SFMBT2: variants seen among roughly 807,000 people sequenced by gnomAD.
SFMBT2 encodes the protein scm-like with four MBT domains protein 2.
Under a neutral mutation model 110.1 loss-of-function variants are expected in SFMBT2, and 38 were observed. The observed-to-expected ratio is 0.35, with a 90% confidence interval of 0.27 to 0.45. The LOEUF is 0.45. SFMBT2 is among the 20% of genes least tolerant of loss of function. The pLI, the probability that SFMBT2 is intolerant of heterozygous loss-of-function variation, is 1.00. For missense variants in SFMBT2, 1,011 were observed against 1,094.9 expected (o/e 0.92, Z 1.08); for synonymous variants, 425 against 425.4 (o/e 1.00, Z 0.01).
intron 1 of SFMBT2, among the ~76,000 whole-genome samples, chr10:7,389,524 T>C (rs934680105): frequency 2.6e-5 from 4 of 152,172 alleles, no homozygotes; most frequent in African/African-American, 9.6e-5. Flanking sequence ...TTTTATACAA[T>C]ACACTTTGTG....
At chr10:7,395,831 T>C (rs891019120) in intron 1 of SFMBT2, among the ~76,000 whole-genome samples, 7 of 152,216 alleles carry the variant, frequency 4.6e-5, no homozygotes, top group African/African-American at 1.7e-4. Flanking sequence ...CTCTCCTTCA[T>C]AGACGTTATG....
chr10:7,276,010 G>A lies in SFMBT2; in HGVS notation c.870+882C>T, dbSNP rs185671188. Among the ~76,000 whole-genome samples, 164 of 152,334 alleles carry A rather than the reference G, an allele frequency of 1.1e-3. 4 individuals carry two copies. Among genetic ancestry groups the A allele is most frequent in the Middle Eastern group, 0.01 (3 of 294 alleles). The stretch of plus-strand genomic sequence containing the variant: ...AGGACGCCAATGGTGTTGGGTCGCC[G>A]CCCACACTCCATGGGCCTGTTTTAT... On this transcript the variant is annotated intron_variant, in intron 7 of 20. Transcript: ENST00000397167.
chr10:7,306,752 G>C (rs1463679252), intron 4 of SFMBT2, among the ~76,000 whole-genome samples: 2 of 149,536 alleles, frequency 1.3e-5, no homozygotes, highest in Non-Finnish European at 3.0e-5. Context: ...AAAAAAAAGA[G>C]GAAGGAAAGA....
chr10:7,315,261 G>A (rs1031508950), intron 4 of SFMBT2, among the ~76,000 whole-genome samples: 3 of 152,146 alleles, frequency 2.0e-5, no homozygotes, highest in African/African-American at 7.2e-5. Flanking sequence ...GGTGTTTCTG[G>A]CTGACATTAG....
intron 8 of SFMBT2, among the ~76,000 whole-genome samples, chr10:7,245,025 A>G (rs150215023): frequency 1.3e-5 from 2 of 152,210 alleles, no homozygotes; most frequent in African/African-American, 4.8e-5. Context: ...TCCACTGGAC[A>G]GTCCTGAAAA....
chr10:7,225,365 C>T (rs1000480917), intron 10 of SFMBT2, among the ~76,000 whole-genome samples: 3 of 152,228 alleles, frequency 2.0e-5, no homozygotes, highest in African/African-American at 4.8e-5. Context: ...CAATTCCACA[C>T]TAGCTCTCCT....
chr10:7,160,082 A>C lies in SFMBT2; in HGVS notation c.*3688T>G, dbSNP rs985636609. On this transcript the variant is annotated 3_prime_UTR_variant, in exon 21 of 21. Transcript: ENST00000397167. The stretch of plus-strand genomic sequence containing the variant: ...ATAATCTTTCGAATATGATCAAATA[A>C]GGTGGGAGAACCCAGAAGCCGTGCA... 2 of 152,240 alleles carry C rather than the reference A, an allele frequency of 1.3e-5. No individual in the cohort carries two copies. Among genetic ancestry groups the C allele is most frequent in the African/African-American group, 4.8e-5 (2 of 41,466 alleles). The allele number at this position is 152,240 out of a possible 1,614,324, so 9.4% of individuals were successfully genotyped here. A position where few individuals can be genotyped will look rare whatever the true frequency, so the allele number is the denominator to read the frequency against.
In SFMBT2 at chr10:7,408,578, C is replaced by G. The variant is rs1360330246; in HGVS notation, c.-52+2283G>C. Among the ~76,000 whole-genome samples, 2 of 152,312 alleles carry G rather than the reference C, an allele frequency of 1.3e-5. No homozygotes were observed. The highest frequency in any genetic ancestry group is 1.9e-4 in the East Asian group (1 of 5,164). ...ACCTGCCCCCGCCAGCCCCGGGGAC[C>G]GTGCGCGGCCTCCGTGTGGCCCCCG... is the stretch of plus-strand genomic sequence containing the variant. On this transcript the variant is annotated intron_variant, in intron 1 of 20. Coordinates refer to ENST00000397167, the MANE Select transcript of SFMBT2 (RefSeq NM_001387889.1). The surrounding 1 kb of genome is among the most constrained non-coding windows in gnomAD (Gnocchi z 5.7).
intron 7 of SFMBT2, among the ~76,000 whole-genome samples, chr10:7,259,546 C>A (rs906370394): frequency 6.6e-6 from 1 of 152,386 alleles, no homozygotes; most frequent in Middle Eastern, 3.4e-3. Context: ...CTGCATCCCC[C>A]ACCTGGGACA....
intron 10 of SFMBT2, among the ~76,000 whole-genome samples, chr10:7,226,714 T>A (rs1246901928): frequency 6.6e-6 from 1 of 152,222 alleles, no homozygotes; most frequent in Non-Finnish European, 1.5e-5. Context: ...TATTGATAAT[T>A]TTGTAAACTA....
intron 4 of SFMBT2, among the ~76,000 whole-genome samples, chr10:7,350,183 G>A (rs1844265963): frequency 6.6e-6 from 1 of 151,618 alleles, no homozygotes; most frequent in Admixed American, 6.6e-5. Flanking sequence ...TCGTGTCTTA[G>A]TTCCTAGATT....
intron 4 of SFMBT2, among the ~76,000 whole-genome samples, chr10:7,302,397 A>G (rs900691180): frequency 1.3e-5 from 2 of 152,256 alleles, no homozygotes; most frequent in Non-Finnish European, 2.9e-5. Flanking sequence ...CACATTAACT[A>G]GTTAGCCACA....
chr10:7,377,702 G>A (rs1286728979), intron 2 of SFMBT2, among the ~76,000 whole-genome samples: 2 of 152,130 alleles, frequency 1.3e-5, no homozygotes, highest in African/African-American at 4.8e-5. Flanking sequence ...GATCTGACAG[G>A]AGGTGAAGCT....
At position 7,381,966 on chromosome 10, in the gene SFMBT2, A is replaced by G; in HGVS notation, c.-51-17T>C. 1 of 1,431,754 alleles carries G rather than the reference A, an allele frequency of 7.0e-7. No homozygotes were observed. The highest frequency in any genetic ancestry group is 1.5e-5 in the South Asian group (1 of 65,544). The allele number at this position is 1,431,754 out of a possible 1,614,324, so 88.7% of individuals were successfully genotyped here. A position where few individuals can be genotyped will look rare whatever the true frequency, so the allele number is the denominator to read the frequency against. On this transcript the variant is annotated splice_polypyrimidine_tract_variant and intron_variant, in intron 1 of 20. Transcript: ENST00000397167. Reference sequence around the variant, plus strand: ...AAAAATTACCTAAGAGCAATCAAAAAAAAAAAAATCAGAGCAGTTTAATCA... The same window carrying G: ...AAAAATTACCTAAGAGCAATCAAAAGAAAAAAAATCAGAGCAGTTTAATCA...
intron 7 of SFMBT2, among the ~76,000 whole-genome samples, chr10:7,260,995 G>A (rs764857894): frequency 3.3e-5 from 5 of 151,660 alleles, no homozygotes; most frequent in Admixed American, 2.0e-4. Context: ...TTTGAGGTAC[G>A]TCTGTGCATC....
chr10:7,215,120 G>C (rs1839489637), intron 11 of SFMBT2, among the ~76,000 whole-genome samples: 1 of 152,228 alleles, frequency 6.6e-6, no homozygotes, highest in African/African-American at 2.4e-5. Flanking sequence ...GAGAAAACAG[G>C]CTGGGCGTGG....
intron 10 of SFMBT2, among the ~76,000 whole-genome samples, chr10:7,223,003 C>T (rs1839795099): frequency 6.6e-6 from 1 of 152,108 alleles, no homozygotes; most frequent in African/African-American, 2.4e-5. Flanking sequence ...AGGGTCCATC[C>T]ATAGGACCTC....
intron 11 of SFMBT2, among the ~76,000 whole-genome samples, chr10:7,214,012 G>A (rs1373164410): frequency 6.6e-6 from 1 of 152,142 alleles, no homozygotes; most frequent in Non-Finnish European, 1.5e-5. Flanking sequence ...TGGGAAGTGA[G>A]CCAGCCCTGC....
At chr10:7,253,560 A>C (rs757044176) in intron 7 of SFMBT2, among the ~76,000 whole-genome samples, 9 of 152,226 alleles carry the variant, frequency 5.9e-5, no homozygotes, top group Non-Finnish European at 1.3e-4. Context: ...CTTCTTACTC[A>C]CAGAAATGCA....
Sources: allele counts gnomAD v4.1 joint callset (sites outside exome capture counted in the v4.1 genomes callset), GRCh38; gene constraint gnomAD v4.1.1; non-coding constraint Gnocchi (gnomAD v3.1); transcripts MANE v1.5; gene names NCBI Gene and HGNC (gene_info 2026-07-23, HGNC 2026-07-21).